ALDH18A1: variants seen among roughly 807,000 people sequenced by gnomAD.
The protein encoded by ALDH18A1 is aldehyde dehydrogenase 18 family member A1.
In ALDH18A1, 44 loss-of-function variants were observed where a neutral mutation model predicts 88.8. The observed-to-expected ratio is 0.50, with a 90% CI of 0.39 to 0.64. The LOEUF is 0.64. Ranked by LOEUF, ALDH18A1 falls within the 30% of genes least tolerant of loss-of-function variation. The pLI, the probability that ALDH18A1 is intolerant of heterozygous loss-of-function variation, is 0.00. For synonymous variants in ALDH18A1, 331 were observed against 372.1 expected, an observed-to-expected ratio of 0.89 and a Z score of 1.27; for missense variants, 782 against 1,009.5, an observed-to-expected ratio of 0.77 and a Z score of 3.05.
chr10:95,617,868 G>C (rs2097846523), intron 12 of ALDH18A1, among the ~76,000 whole-genome samples: 1 of 152,156 alleles, frequency 6.6e-6, no homozygotes, highest in African/African-American at 2.4e-5. Context: ...GCAGAGGTGA[G>C]TCTGGCAGTC....
At chr10:95,651,238 G>A (rs745474294) in intron 2 of ALDH18A1, among the ~76,000 whole-genome samples, 14 of 152,160 alleles carry the variant, frequency 9.2e-5, no homozygotes, top group East Asian at 1.9e-4. Flanking sequence ...AGCTATTAGG[G>A]AAAGGCACAT....
intron 1 of ALDH18A1, among the ~76,000 whole-genome samples, 192 bp from the exon 2 acceptor site, chr10:95,653,597 C>T (rs778222960): frequency 6.6e-6 from 1 of 152,082 alleles, no homozygotes; most frequent in Non-Finnish European, 1.5e-5. Context: ...TTCTAGGCCT[C>T]AACCATCTTA....
intron 7 of ALDH18A1, among the ~76,000 whole-genome samples, chr10:95,629,576 T>A (rs2097865100): frequency 6.6e-6 from 1 of 152,142 alleles, no homozygotes; most frequent in Admixed American, 6.5e-5. Flanking sequence ...AGGGTTAGGA[T>A]CTTCCCAGAA....
intron 2 of ALDH18A1, among the ~76,000 whole-genome samples, chr10:95,646,651 G>T (rs145309873): frequency 3.3e-5 from 5 of 152,160 alleles, no homozygotes; most frequent in Admixed American, 2.0e-4. Flanking sequence ...GGTCCATATT[G>T]AAAACTGAGA....
At chr10:95,611,162 T>C (rs2097833513) in intron 16 of ALDH18A1, 94 bp downstream of exon 16, 5 of 1,452,596 alleles carry the variant, frequency 3.4e-6, no homozygotes, top group African/African-American at 2.8e-5. Flanking sequence ...CCTACTCAAA[T>C]GATGTTTTTC....
At chr10:95,623,680 C>T (rs1722375956) in intron 11 of ALDH18A1, among the ~76,000 whole-genome samples, 1 of 152,202 alleles carries the variant, frequency 6.6e-6, no homozygotes, top group Non-Finnish European at 1.5e-5. Flanking sequence ...ATTCTCCTGC[C>T]TCAGCCTCCT....
intron 1 of ALDH18A1, among the ~76,000 whole-genome samples, chr10:95,655,107 T>C (rs574390353): frequency 4.1e-5 from 6 of 144,982 alleles, no homozygotes; most frequent in African/African-American, 1.5e-4. Context: ...GTGTGTCTTG[T>C]GGAGAGTTAC....
At chr10:95,607,062 AT>A in intron 17 of ALDH18A1, 119 bp from the exon 18 acceptor site, 2 of 997,742 alleles carry the variant, frequency 2.0e-6, no homozygotes, top group Non-Finnish European at 3.2e-6. Context: ...CTAACTCCTC[AT>A]CCATCCTCCC....
intron 3 of ALDH18A1, among the ~76,000 whole-genome samples, chr10:95,642,441 C>G (rs190353558): frequency 6.6e-6 from 1 of 151,534 alleles, no homozygotes; most frequent in African/African-American, 2.4e-5. Flanking sequence ...TAGCAAGACC[C>G]CTGTCTCTAC....
Position 95,642,800 on chromosome 10 carries a change from A to ATCC in ALDH18A1, c.303+189_303+191dup, listed in dbSNP as rs2097894245. On this transcript the variant is annotated intron_variant, in intron 3 of 17. Coordinates refer to ENST00000371224, the MANE Select transcript of ALDH18A1 (RefSeq NM_002860.4). ...CATGAAATCACCCCTACTCCTTAACATCCCATTTTCTTGCCCTAAGATGTC... is the reference window on the plus strand; with the variant it reads ...CATGAAATCACCCCTACTCCTTAACATCCTCCCATTTTCTTGCCCTAAGATGTC... 2.0e-5 allele frequency among the ~76,000 whole-genome samples: 3 copies of ATCC among 152,278 alleles called. No homozygotes were observed. The South Asian group carries it at 6.2e-4, about 32-fold the overall frequency.
intron 7 of ALDH18A1, 157 bp from the exon 8 acceptor site, chr10:95,628,649 C>T (rs1426242412): frequency 1.7e-5 from 14 of 805,594 alleles, no homozygotes; most frequent in South Asian, 1.4e-4. Flanking sequence ...ACAAGGGATT[C>T]GACACTGACA....
intron 15 of ALDH18A1, among the ~76,000 whole-genome samples, chr10:95,612,144 T>C (rs757245430): frequency 3.3e-5 from 5 of 152,118 alleles, no homozygotes; most frequent in South Asian, 4.1e-4. Flanking sequence ...CACATATACA[T>C]TGCTACTCCC....
chr10:95,634,682 C>T (rs2097877289), intron 5 of ALDH18A1, among the ~76,000 whole-genome samples: 1 of 152,178 alleles, frequency 6.6e-6, no homozygotes, highest in Non-Finnish European at 1.5e-5. Context: ...GCATAAGGTG[C>T]TCAAAGGTAG....
At chr10:95,641,409 G>A (rs2097891158) in intron 3 of ALDH18A1, among the ~76,000 whole-genome samples, 1 of 151,644 alleles carries the variant, frequency 6.6e-6, no homozygotes, top group South Asian at 2.1e-4. Context: ...CCCTCACAGT[G>A]TAGTCTCTTG....
rs778566633 is a variant in ALDH18A1 at position 95,632,943 on chromosome 10, A to G, written c.808+16T>C. 1 of 1,609,432 alleles carries G rather than the reference A, an allele frequency of 6.2e-7. No individual in the cohort carries two copies. The highest frequency in any genetic ancestry group is 8.5e-7 in the Non-Finnish European group (1 of 1,175,674). On this transcript the variant is annotated intron_variant, in intron 7 of 17. Transcript: ENST00000371224. ...AAAACAAAGGGCAGATAAAGGAAAA[A>G]AGCATTACTTTGTACCTTCTACATC... is the stretch of plus-strand genomic sequence containing the variant.
intron 15 of ALDH18A1, 94 bp downstream of exon 15, chr10:95,613,648 T>C: frequency 6.6e-7 from 1 of 1,512,766 alleles, no homozygotes; most frequent in Non-Finnish European, 9.2e-7. Flanking sequence ...AAAATATTGT[T>C]TCTTAAACTG....
chr10:95,615,638 C>T (rs188143666), intron 13 of ALDH18A1, among the ~76,000 whole-genome samples: 29 of 152,122 alleles, frequency 1.9e-4, no homozygotes, highest in Non-Finnish European at 2.9e-4. Context: ...CTAAAATCTG[C>T]GCTCTTTCCA....
chr10:95,633,531 AC>A lies in ALDH18A1; in HGVS notation c.676del (p.Val226SerfsTer13). The A allele has an allele frequency of 6.2e-7, 1 of 1,614,156 alleles. No homozygotes were observed. Among genetic ancestry groups the A allele is most frequent in the Non-Finnish European group, 8.5e-7 (1 of 1,180,036 alleles). On this transcript the variant is annotated frameshift_variant, in exon 6 of 18. Coordinates refer to ENST00000371224, the MANE Select transcript of ALDH18A1 (RefSeq NM_002860.4). LOFTEE classifies it high-confidence loss of function. ...VPIVNTNDAV[V>X]PPAEPNSDLQ... ...GTCACTGTTGGGCTCAGCTGGGGGG[AC>A]AACAGCATCATTTGTGTTGACAATG...
rs1302919102 is a variant in ALDH18A1, at chr10:95,637,312, G to A, written c.428C>T (p.Ser143Leu). Residue 143 changes from serine to leucine, a missense_variant, in exon 4 of 18, where the codon TCG becomes TTG. By Grantham distance (145) the Ser-to-Leu change is moderately radical. This residue lies in a region of ALDH18A1 where 132 missense variants were observed against 255.5 expected (regional missense o/e 0.52). Transcript: ENST00000371224. The stretch of plus-strand genomic sequence containing the variant: ...CATTTCTTTCAGCTGGTTCTGCCCC[G>A]AGTGGAGGGCCTGCCGCACGCTCTG... ...LSQSVRQALH[S>L]GQNQLKEMAI... The A allele has an allele frequency of 1.2e-6, 2 of 1,614,210 alleles. No individual in the cohort carries two copies. The highest frequency in any genetic ancestry group is 1.1e-5 in the South Asian group (1 of 91,082).
Sources: gnomAD v4.1 joint callset for allele counts (sites outside exome capture counted in the v4.1 genomes callset) on GRCh38, gnomAD v4.1.1 for gene constraint, gnomAD v4.1.1 regional missense constraint, MANE v1.5 for transcripts, NCBI Gene and HGNC (gene_info 2026-07-23, HGNC 2026-07-21) for gene names.